Variants in SEMA6D observed in about 807,000 individuals in gnomAD.
SEMA6D encodes semaphorin 6D.
A neutral mutation model predicts 106.6 loss-of-function variants in SEMA6D; 35 were observed. The observed-to-expected ratio is 0.33, with a 90% CI of 0.25 to 0.44. SEMA6D has a LOEUF of 0.44. SEMA6D is among the 20% of genes least tolerant of loss of function. SEMA6D has a pLI of 1.00. For synonymous variants in SEMA6D, 499 were observed against 487.7 expected (o/e 1.02, Z -0.31); for missense variants, 1,185 against 1,345.9 (o/e 0.88, Z 1.87).
At chr15:47,315,560 A>G (rs1046212875) in intron 1 of SEMA6D, among the ~76,000 whole-genome samples, 3 of 152,164 alleles carry the variant, frequency 2.0e-5, no homozygotes, top group Admixed American at 6.5e-5. Context: ...TTTTCCTTCA[A>G]TATTATGTTG....
At chr15:47,596,858 G>C (rs754022642) in intron 3 of SEMA6D, among the ~76,000 whole-genome samples, 2 of 151,922 alleles carry the variant, frequency 1.3e-5, no homozygotes, top group Non-Finnish European at 1.5e-5. Context: ...AAAAAACTAC[G>C]CAACATTGGT....
intron 3 of SEMA6D, among the ~76,000 whole-genome samples, chr15:47,471,349 A>G (rs1275330801): frequency 1.3e-5 from 2 of 152,130 alleles, no homozygotes; most frequent in African/African-American, 4.8e-5. Flanking sequence ...GTATGTTTCA[A>G]ACTCCCACTT....
chr15:47,751,301 C>T (rs2081420217), intron 1 of SEMA6D, among the ~76,000 whole-genome samples: 1 of 152,166 alleles, frequency 6.6e-6, no homozygotes, highest in Non-Finnish European at 1.5e-5. Flanking sequence ...TCTTCAATTA[C>T]AACCCTCCTT....
rs73392849 is a variant in SEMA6D at position 47,655,944 on chromosome 15, A to G, written c.-55+55048A>G. On this transcript the variant is annotated intron_variant, in intron 4 of 19. Coordinates refer to the SEMA6D transcript ENST00000558014. ...CATTCATTACCAGGTGAGGTTGAGC[A>G]AGGTGATGCTCTGCCTTTTTATTTC... Among the ~76,000 whole-genome samples, 1,261 of 152,380 alleles carry G rather than the reference A, an allele frequency of 8.3e-3. 14 individuals are homozygous for G. The highest frequency in any genetic ancestry group is 0.029 in the African/African-American group (1,222 of 41,584).
intron 1 of SEMA6D, among the ~76,000 whole-genome samples, chr15:47,205,297 A>G (rs111524588): frequency 2.0e-5 from 3 of 152,324 alleles, no homozygotes; most frequent in African/African-American, 7.2e-5. Flanking sequence ...TGTGATTAAC[A>G]GTTTCCACAT....
chr15:47,189,182 C>T (rs1163392569), intron 1 of SEMA6D, among the ~76,000 whole-genome samples: 2 of 152,110 alleles, frequency 1.3e-5, no homozygotes, highest in Non-Finnish European at 2.9e-5. Flanking sequence ...CCTCTCTTCT[C>T]TTTCTTGATT....
chr15:47,771,179 T>G lies in SEMA6D; in HGVS notation c.2616T>G (p.Ser872=), dbSNP rs2082609235. Residue 872 remains serine (S), a synonymous_variant, in exon 19 of 19, where the codon TCT becomes TCG. Coordinates refer to ENST00000536845, the MANE Select transcript of SEMA6D (RefSeq NM_001358351.3). The stretch of plus-strand genomic sequence containing the variant: ...CCAGTAAGAGAGATCACCGGCGTTC[T>G]GTTGATTCCAGAAATACCCTCAATG... ...KSSSKRDHRR[S]VDSRNTLNDL... is the part of the protein sequence containing the mutation. 1.2e-6 allele frequency: 2 copies of G among 1,614,112 alleles called. No homozygotes were observed. Among genetic ancestry groups the G allele is most frequent in the Non-Finnish European group, 1.7e-6 (2 of 1,179,990 alleles).
At chr15:47,217,874 TACACACACACACACAC>T (rs150525483) in intron 1 of SEMA6D, among the ~76,000 whole-genome samples, 2 of 143,032 alleles carry the variant, frequency 1.4e-5, no homozygotes, top group African/African-American at 5.2e-5. Flanking sequence ...TGTACACACA[TACACACACACACACAC>T]ACACACACAC....
In SEMA6D at chr15:47,759,752, A is replaced by G; in HGVS notation, c.-47A>G. ...ACTGCTTCTGTTTTCCAGGTAGCTC[A>G]GTGGCATTTCTGAGCAGGGGCCACC... On this transcript the variant is annotated 5_prime_UTR_variant, in exon 2 of 19. Transcript: ENST00000536845. The G allele has an allele frequency of 7.5e-7, 1 of 1,335,766 alleles. No individual in the cohort carries two copies. The highest frequency in any genetic ancestry group is 1.1e-6 in the Non-Finnish European group (1 of 926,500). The allele number at this position is 1,335,766 out of a possible 1,614,324, so 82.7% of individuals were successfully genotyped here. A position where few individuals can be genotyped will look rare whatever the true frequency, so the allele number is the denominator to read the frequency against.
intron 2 of SEMA6D, among the ~76,000 whole-genome samples, chr15:47,426,904 A>G (rs944896646): frequency 1.3e-5 from 2 of 152,272 alleles, no homozygotes; most frequent in Admixed American, 6.5e-5. Context: ...TGAAGAGAAT[A>G]TTTTCTGTTA....
At chr15:47,713,710 A>G (rs1361535165), upstream of SEMA6D, among the ~76,000 whole-genome samples, 1 of 152,236 alleles carries the variant, frequency 6.6e-6, no homozygotes, top group Admixed American at 6.5e-5. Context: ...TTATTCATTA[A>G]AATTCATACA....
intron 2 of SEMA6D, among the ~76,000 whole-genome samples, chr15:47,424,887 C>G (rs939515068): frequency 6.6e-6 from 1 of 152,048 alleles, no homozygotes; most frequent in Non-Finnish European, 1.5e-5. Context: ...GCTTACATAG[C>G]CTCTTAATCT....
chr15:47,562,398 G>A (rs1322793812), intron 3 of SEMA6D, among the ~76,000 whole-genome samples: 1 of 151,876 alleles, frequency 6.6e-6, no homozygotes, highest in East Asian at 1.9e-4. Context: ...TAATCAATGA[G>A]TTTTATATTC....
chr15:47,482,928 G>A (rs752697695), intron 3 of SEMA6D, among the ~76,000 whole-genome samples: 3 of 152,000 alleles, frequency 2.0e-5, no homozygotes, highest in Non-Finnish European at 2.9e-5. Flanking sequence ...CTCTGTATTC[G>A]GCATATGTTT....
At chr15:47,260,692 C>T (rs759614409) in intron 1 of SEMA6D, among the ~76,000 whole-genome samples, 6 of 152,058 alleles carry the variant, frequency 3.9e-5, no homozygotes, top group East Asian at 1.9e-4. Flanking sequence ...CTTGTGGAAA[C>T]GTCTGTCTTG....
chr15:47,238,404 C>G (rs1261831816), intron 1 of SEMA6D, among the ~76,000 whole-genome samples: 1 of 152,078 alleles, frequency 6.6e-6, no homozygotes, highest in Non-Finnish European at 1.5e-5. Context: ...TGACCCCTCA[C>G]CCCCCAGAGT....
chr15:47,699,509 G>C (rs74693690), intron 4 of SEMA6D, among the ~76,000 whole-genome samples: 1,868 of 152,242 alleles, frequency 0.012, 32 homozygotes, highest in African/African-American at 0.042. Context: ...AAAGACCTTA[G>C]ACATTTGTTG....
chr15:47,558,185 G>A (rs954166805), intron 3 of SEMA6D, among the ~76,000 whole-genome samples: 5 of 151,968 alleles, frequency 3.3e-5, no homozygotes, highest in Non-Finnish European at 5.9e-5. Flanking sequence ...GACTTCATAG[G>A]ATATACTGTC....
chr15:47,417,409 G>T (rs1403116425), intron 2 of SEMA6D, among the ~76,000 whole-genome samples: 1 of 108,786 alleles, frequency 9.2e-6, no homozygotes, highest in Non-Finnish European at 1.9e-5. Flanking sequence ...CTGTGTGTGT[G>T]TATATGTGTG....
Sources: allele counts gnomAD v4.1 joint callset (sites outside exome capture counted in the v4.1 genomes callset), GRCh38; gene constraint gnomAD v4.1.1; transcripts MANE v1.5; gene names NCBI Gene and HGNC (gene_info 2026-07-23, HGNC 2026-07-21).